KLHL10: variants seen among roughly 807,000 people sequenced by gnomAD.
The protein encoded by KLHL10 is kelch like family member 10.
KLHL10 carries 11 observed loss-of-function variants against 46.6 expected under a neutral mutation model. The ratio of observed to expected loss-of-function variants is 0.24; its 90% CI spans 0.15 to 0.39. The LOEUF (loss-of-function observed/expected upper bound fraction) is 0.39. KLHL10 is among the 10% of genes least tolerant of loss of function. The pLI, the probability that KLHL10 is intolerant of heterozygous loss-of-function variation, is 1.00. For missense variants in KLHL10, 475 were observed against 789.8 expected, an observed-to-expected ratio of 0.60 and a Z score of 4.78; for synonymous variants, 254 against 279.1, an observed-to-expected ratio of 0.91 and a Z score of 0.90.
At chr17:41,836,161 G>A, upstream of KLHL10, 1 of 1,300,682 alleles carries the variant, frequency 7.7e-7, no homozygotes, top group Non-Finnish European at 9.7e-7. Context: ...GCCCCACTCC[G>A]GACGCTTCCT....
rs1171086841 is a variant in KLHL10, at chr17:41,845,726, A to G, written c.1285A>G (p.Thr429Ala). Residue 429 changes from threonine to alanine, a missense_variant, in exon 3 of 5, where the codon ACA (threonine) becomes GCA (alanine). Transcript: ENST00000293303. ...CGAACAGAGGAGTGATGCAAGCGCC[A>G]CAACACTTTATGGGAAGGTAAAGGA... ...MHEQRSDASA[T>A]TLYGKVYICG... The G allele has an allele frequency of 1.2e-6, 2 of 1,613,828 alleles. No individual in the cohort carries two copies. Among genetic ancestry groups the G allele is most frequent in the East Asian group, 4.5e-5 (2 of 44,896 alleles).
At chr17:41,845,068 T>G in intron 2 of KLHL10, 58 bp from the exon 3 acceptor site, 4 of 1,609,442 alleles carry the variant, frequency 2.5e-6, no homozygotes, top group Non-Finnish European at 3.4e-6. Context: ...GAGTTAAGGA[T>G]GTGGGATTTC....
rs782733771 is a variant in KLHL10 at position 41,845,401 on chromosome 17, T to C, written c.960T>C (p.Asn320=). 5 of 1,614,032 alleles carry C rather than the reference T, an allele frequency of 3.1e-6. No homozygotes were observed. The South Asian group carries it at 3.3e-5, about 11-fold the overall frequency. ...ACGCTCGGGCAGACAGATGGGTGAA[T>C]GTTACTTGTGAGGAAGAGAGTCCCC... The part of the protein sequence containing the change: ...AYDARADRWV[N]VTCEEESPRA... The change falls in exon 3 of 5, where the codon AAT becomes AAC. Residue 320 remains asparagine, a synonymous_variant. Transcript: ENST00000293303.
At chr17:41,840,882 G>A (rs1341887393) in intron 1 of KLHL10, among the ~76,000 whole-genome samples, 10 of 152,092 alleles carry the variant, frequency 6.6e-5, no homozygotes, top group African/African-American at 1.9e-4. Flanking sequence ...TTGGGAGGCC[G>A]AGGCAGGCAG....
intron 2 of KLHL10, 113 bp downstream of exon 2, chr17:41,842,425 A>G (rs1189760575): frequency 3.0e-6 from 4 of 1,319,190 alleles, no homozygotes; most frequent in Non-Finnish European, 4.3e-6. Context: ...GAAGGCATCT[A>G]CTATTCTCTG....
chr17:41,844,700 C>T (rs996268339), intron 2 of KLHL10, among the ~76,000 whole-genome samples: 2 of 152,184 alleles, frequency 1.3e-5, no homozygotes, highest in Middle Eastern at 3.4e-3. Flanking sequence ...AGGTGCGTGC[C>T]ACCACACTCA....
rs1170034748 is a variant in KLHL10, at chr17:41,841,913, G to A, written c.285G>A (p.Glu95=). The change falls in exon 2 of 5, where the codon GAG becomes GAA. Residue 95 remains glutamate (E), a synonymous_variant. Coordinates refer to ENST00000293303, the MANE Select transcript of KLHL10 (RefSeq NM_152467.5). ...ISPDMMKLII[E]YAYTRTVPIT... is the part of the protein sequence containing the mutation. ...CCGACATGATGAAGCTAATCATTGA[G>A]TATGCATACACCCGGACCGTGCCTA... 5 of 1,614,076 alleles carry A rather than the reference G, an allele frequency of 3.1e-6. No homozygotes were observed. In the African/African-American group the frequency reaches 6.7e-5, roughly 22 times the overall value.
At chr17:41,843,541 C>T (rs1231438025) in intron 2 of KLHL10, among the ~76,000 whole-genome samples, 2 of 151,384 alleles carry the variant, frequency 1.3e-5, no homozygotes, top group Non-Finnish European at 2.9e-5. Context: ...TTAAGTATTG[C>T]ACACAATTGT....
At chr17:41,846,458 CTGCAGTGGGCAGAGGT>C (rs2048287149) in intron 3 of KLHL10, among the ~76,000 whole-genome samples, 2 of 151,492 alleles carry the variant, frequency 1.3e-5, no homozygotes, top group African/African-American at 4.9e-5. Flanking sequence ...GAGGCGGAGG[CTGCAGTGGGCAGAGGT>C]TGCAGTGCTC....
chr17:41,839,439 C>G (rs185145640), intron 1 of KLHL10, among the ~76,000 whole-genome samples: 18 of 152,288 alleles, frequency 1.2e-4, no homozygotes, highest in Admixed American at 3.9e-4. Context: ...CCCCCCTGTA[C>G]CCCTATCCCA....
At chr17:41,844,306 C>T (rs1306479307) in intron 2 of KLHL10, among the ~76,000 whole-genome samples, 1 of 151,746 alleles carries the variant, frequency 6.6e-6, no homozygotes, top group East Asian at 1.9e-4. Context: ...TCTCGGCTCA[C>T]TGCAACCTCC....
intron 2 of KLHL10, among the ~76,000 whole-genome samples, chr17:41,843,513 A>ACAAC (rs201393882): frequency 7.4e-6 from 1 of 134,498 alleles, no homozygotes; most frequent in Non-Finnish European, 1.5e-5. Flanking sequence ...CAAATTAACA[A>ACAAC]AAAAAAAAAA....
rs1217774567 is a variant in KLHL10, at chr17:41,845,526, T to G, written c.1085T>G (p.Val362Gly). The G allele has an allele frequency of 1.2e-6, 2 of 1,614,082 alleles. No individual in the cohort carries two copies. Among genetic ancestry groups the G allele is most frequent in the Admixed American group, 1.7e-5 (1 of 59,998 alleles). ...AATAGTGTTAAGCGTTTTGACCCAG[T>G]CAAGAAAACTTGGCATCAGGTGGCC... Reference protein sequence around the residue: ...YFNSVKRFDPVKKTWHQVAPM... With the variant: ...YFNSVKRFDPGKKTWHQVAPM... Residue 362 changes from valine to glycine, a missense_variant, in exon 3 of 5, where the codon GTC (valine) becomes GGC (glycine). By Grantham distance (109) the Val-to-Gly change is moderately radical. Transcript: ENST00000293303.
At chr17:41,847,787 G>A in intron 4 of KLHL10, 146 bp from the exon 5 acceptor site, 1 of 1,077,228 alleles carries the variant, frequency 9.3e-7, no homozygotes, top group Non-Finnish European at 1.4e-6. Context: ...TTACAGGCGT[G>A]AGCCACTGCA....
upstream of KLHL10, chr17:41,837,440 CT>C (rs2050165224): frequency 2.0e-6 from 1 of 495,180 alleles, no homozygotes; most frequent in South Asian, 8.2e-5. Context: ...GTGTGAGCCA[CT>C]GCGCCCGGCC....
chr17:41,844,759 G>T (rs2048265983), intron 2 of KLHL10, among the ~76,000 whole-genome samples: 1 of 152,046 alleles, frequency 6.6e-6, no homozygotes, highest in African/African-American at 2.4e-5. Flanking sequence ...ATGTCGGTTA[G>T]CCTGGTCTAG....
In KLHL10 at chr17:41,838,052, C is replaced by T. The variant is rs371429407; in HGVS notation, c.120C>T (p.Asp40=). The T allele has an allele frequency of 5.8e-5, 93 of 1,613,956 alleles. No homozygotes were observed. The South Asian group carries it at 9.0e-4, about 16-fold the overall frequency. The change falls in exon 1 of 5, where the codon GAC becomes GAT. Residue 40 remains aspartate, a synonymous_variant. Transcript: ENST00000293303. ...TTAGACTAGAGGGCAAGCTCTGCGA[C>T]GTGGTCATCAAGGTCAATGGCTTTG... ...NELRLEGKLC[D]VVIKVNGFEF...
upstream of KLHL10, chr17:41,836,209 G>A: frequency 8.0e-7 from 1 of 1,242,246 alleles, no homozygotes; most frequent in East Asian, 3.2e-5. Context: ...TCGAGGCCTG[G>A]TCGGCGGCTC....
At chr17:41,841,298 A>G (rs1230765399) in intron 1 of KLHL10, among the ~76,000 whole-genome samples, 1 of 152,164 alleles carries the variant, frequency 6.6e-6, no homozygotes, top group Admixed American at 6.6e-5. Flanking sequence ...AAGGAAGATA[A>G]AAAGCAGTGA....
Sources: gnomAD v4.1 joint callset for allele counts (sites outside exome capture counted in the v4.1 genomes callset) on GRCh38, gnomAD v4.1.1 for gene constraint, MANE v1.5 for transcripts, NCBI Gene and HGNC (gene_info 2026-07-23, HGNC 2026-07-21) for gene names.